The following B3GALT1 variants were observed in gnomAD, a reference collection of about 807,000 sequenced individuals.
B3GALT1 encodes UDP-Gal:betaGlcNAc beta 1,3-galactosyltransferase, polypeptide 1.
In B3GALT1, 10 loss-of-function variants were observed where a neutral mutation model predicts 23.2. That is an observed-to-expected ratio of 0.43 (90% CI 0.27 to 0.73). B3GALT1 has a LOEUF of 0.73. B3GALT1 is among the 30% of genes least tolerant of loss of function. The probability of loss-of-function intolerance (pLI) is 0.21; values close to 1 mark genes in which losing one functional copy is unlikely to be tolerated. For missense variants in B3GALT1, 299 were observed against 405.4 expected (o/e 0.74, Z 2.25); for synonymous variants, 156 against 141.5 (o/e 1.10, Z -0.73).
In B3GALT1 at chr2:167,545,256, T is replaced by C. The variant is rs546188999; in HGVS notation, c.-410+54979T>C. On this transcript the variant is annotated intron_variant, in intron 2 of 4. Coordinates refer to ENST00000392690, the MANE Select transcript of B3GALT1 (RefSeq NM_020981.4). ...TTCACTGTGTTAGCCAGGATGGTCT[T>C]GATCTTCTGACCTTGTGATCCGCCC... Among the ~76,000 whole-genome samples the C allele has an allele frequency of 1.7e-3, 263 of 151,882 alleles. 4 individuals carry two copies. Among genetic ancestry groups the C allele is most frequent in the Admixed American group, 8.6e-3 (132 of 15,274 alleles).
chr2:167,627,830 C>T (rs1482823579), intron 2 of B3GALT1, among the ~76,000 whole-genome samples: 1 of 151,648 alleles, frequency 6.6e-6, no homozygotes, highest in Non-Finnish European at 1.5e-5. Flanking sequence ...ACATCCTTGC[C>T]AGCATTTGCT....
intron 2 of B3GALT1, among the ~76,000 whole-genome samples, chr2:167,503,390 GT>G (rs1311211339): frequency 6.6e-6 from 1 of 152,112 alleles, no homozygotes; most frequent in Non-Finnish European, 1.5e-5. Context: ...GCTTATGCTG[GT>G]TCCTGAACAC....
intron 1 of B3GALT1, among the ~76,000 whole-genome samples, chr2:167,337,268 G>A (rs1697073083): frequency 6.6e-6 from 1 of 152,028 alleles, no homozygotes; most frequent in Admixed American, 6.6e-5. Flanking sequence ...GTAATATGCT[G>A]TGAGGATTTC....
chr2:167,310,183 T>A (rs958683764), intron 1 of B3GALT1, among the ~76,000 whole-genome samples: 1 of 152,114 alleles, frequency 6.6e-6, no homozygotes, highest in Non-Finnish European at 1.5e-5. Context: ...GCAAACTGTT[T>A]CCATTTAGCA....
At chr2:167,401,812 C>T (rs1163049051) in intron 1 of B3GALT1, among the ~76,000 whole-genome samples, 2 of 152,182 alleles carry the variant, frequency 1.3e-5, no homozygotes, top group Non-Finnish European at 2.9e-5. Context: ...ATTTTAACAG[C>T]CTGTTATGTA....
intron 3 of B3GALT1, chr2:167,713,935 C>A (rs1326177810): frequency 3.2e-6 from 5 of 1,570,970 alleles, no homozygotes; most frequent in Non-Finnish European, 4.4e-6. Context: ...TTCTCGTGAA[C>A]AGGCCCCTTG....
intron 3 of B3GALT1, among the ~76,000 whole-genome samples, chr2:167,655,363 A>G (rs1220843822): frequency 6.6e-6 from 1 of 152,212 alleles, no homozygotes; most frequent in Non-Finnish European, 1.5e-5. Context: ...AGAGTTCAGA[A>G]GAAAAGTAAA....
At chr2:167,363,261 C>T (rs1024506710) in intron 1 of B3GALT1, among the ~76,000 whole-genome samples, 5 of 151,386 alleles carry the variant, frequency 3.3e-5, no homozygotes, top group Non-Finnish European at 7.4e-5. Context: ...GTATCCTGTT[C>T]GTTTGTCAGC....
chr2:167,865,856 A>G (rs1690205481), intron 4 of B3GALT1, among the ~76,000 whole-genome samples: 1 of 152,186 alleles, frequency 6.6e-6, no homozygotes, highest in Admixed American at 6.5e-5. Flanking sequence ...TTTGGGGAAG[A>G]TAAGATCCTC....
At chr2:167,327,748 C>T (rs1373427411) in intron 1 of B3GALT1, among the ~76,000 whole-genome samples, 1 of 151,886 alleles carries the variant, frequency 6.6e-6, no homozygotes, top group Non-Finnish European at 1.5e-5. Flanking sequence ...GATAGGACTT[C>T]CAGTACTATG....
At chr2:167,637,680 G>C (rs1685582671) in intron 2 of B3GALT1, among the ~76,000 whole-genome samples, 1 of 151,848 alleles carries the variant, frequency 6.6e-6, no homozygotes, top group Non-Finnish European at 1.5e-5. Context: ...TCTAGTATTT[G>C]GTTACTGCCA....
intron 3 of B3GALT1, among the ~76,000 whole-genome samples, chr2:167,667,747 T>A (rs1007867461): frequency 6.6e-6 from 1 of 152,242 alleles, no homozygotes; most frequent in Non-Finnish European, 1.5e-5. Context: ...TCGCATCGGC[T>A]GAGGCTTCTG....
intron 2 of B3GALT1, among the ~76,000 whole-genome samples, chr2:167,524,431 A>T (rs1381181178): frequency 3.9e-5 from 6 of 152,172 alleles, no homozygotes; most frequent in African/African-American, 1.2e-4. Flanking sequence ...TCCTTTCCCA[A>T]TGGCTATAAA....
chr2:167,815,763 T>C (rs1045285750), intron 3 of B3GALT1, among the ~76,000 whole-genome samples: 1 of 152,226 alleles, frequency 6.6e-6, no homozygotes, highest in Non-Finnish European at 1.5e-5. Context: ...TGTGCTAGAA[T>C]AGCTATAATT....
intron 3 of B3GALT1, among the ~76,000 whole-genome samples, chr2:167,665,740 T>C (rs7565193): frequency 0.43 from 64,804 of 151,436 alleles, 15,000 homozygotes; most frequent in Non-Finnish European, 0.52. Flanking sequence ...GATTTTCTAG[T>C]TTATTTGCGT....
chr2:167,717,182 CCTAT>C (rs138926708), intron 3 of B3GALT1, among the ~76,000 whole-genome samples: 45,013 of 143,366 alleles, frequency 0.31, 7,760 homozygotes, highest in Non-Finnish European at 0.43. Context: ...ATCATGATGC[CCTAT>C]CTATTTTTTC....
rs1027254107 is a variant in B3GALT1, at chr2:167,293,005, C to T, written c.-840C>T. 6.6e-6 allele frequency among the ~76,000 whole-genome samples: 1 copy of T among 152,024 alleles called. No individual in the cohort carries two copies. The highest frequency in any genetic ancestry group is 1.5e-5 in the Non-Finnish European group (1 of 67,980). On this transcript the variant is annotated 5_prime_UTR_variant, in exon 1 of 5. Coordinates refer to ENST00000392690, the MANE Select transcript of B3GALT1 (RefSeq NM_020981.4). ...GCGTTGTCAGTCGCCGAGGCCAGAG[C>T]CATCGCCGGGGAAGCGCAGCCGGGC...
intron 3 of B3GALT1, among the ~76,000 whole-genome samples, chr2:167,689,018 A>G (rs1347822264): frequency 6.6e-6 from 1 of 152,114 alleles, no homozygotes; most frequent in Non-Finnish European, 1.5e-5. Flanking sequence ...AATACTTTTT[A>G]GAAAATTTGA....
chr2:167,361,001 C>G lies in B3GALT1; in HGVS notation c.-511+67667C>G, dbSNP rs76017683. ...CTTATTTCACTTAACGTAATGGCTT[C>G]TAGTTCCAAGCATATTGCTGAAAAA... is the stretch of plus-strand genomic sequence containing the variant. On this transcript the variant is annotated intron_variant, in intron 1 of 4. Coordinates refer to ENST00000392690, the MANE Select transcript of B3GALT1 (RefSeq NM_020981.4). Among the ~76,000 whole-genome samples the G allele has an allele frequency of 1.0e-3, 156 of 152,202 alleles. 1 individual carries two copies. The East Asian group carries it at 0.013, about 13-fold the overall frequency.
Sources: allele counts gnomAD v4.1 joint callset (sites outside exome capture counted in the v4.1 genomes callset), GRCh38; gene constraint gnomAD v4.1.1; transcripts MANE v1.5; gene names NCBI Gene and HGNC (gene_info 2026-07-23, HGNC 2026-07-21).